Variants in KCNAB1 observed in about 807,000 individuals in gnomAD.
KCNAB1 encodes the protein potassium voltage-gated channel subfamily A regulatory beta subunit 1.
A neutral mutation model predicts 64.6 loss-of-function variants in KCNAB1; 35 were observed. The observed-to-expected ratio is 0.54, with a 90% CI of 0.41 to 0.72. The LOEUF is 0.72. KCNAB1 is among the 30% of genes least tolerant of loss of function. The pLI, the probability that KCNAB1 is intolerant of heterozygous loss-of-function variation, is 0.00. For synonymous variants in KCNAB1, 177 were observed against 183.8 expected (o/e 0.96, Z 0.30); for missense variants, 401 against 512.9 (o/e 0.78, Z 2.11).
chr3:156,266,240 C>T (rs923210665), intron 1 of KCNAB1, among the ~76,000 whole-genome samples: 1 of 152,098 alleles, frequency 6.6e-6, no homozygotes, highest in East Asian at 1.9e-4. Context: ...CTGCATTACT[C>T]CCATTTTCTC....
intron 1 of KCNAB1, among the ~76,000 whole-genome samples, chr3:156,248,845 T>C (rs568946174): frequency 6.6e-6 from 1 of 152,238 alleles, no homozygotes; most frequent in East Asian, 1.9e-4. Context: ...CAGAGATTCC[T>C]CTTTGAAAAT....
chr3:156,529,071 C>G (rs1377379675), intron 12 of KCNAB1, among the ~76,000 whole-genome samples: 1 of 152,064 alleles, frequency 6.6e-6, no homozygotes, highest in East Asian at 1.9e-4. Flanking sequence ...GAGGAGAAGA[C>G]AGCTGAACCG....
chr3:156,472,174 T>C (rs1039692135), intron 7 of KCNAB1, among the ~76,000 whole-genome samples: 6 of 152,136 alleles, frequency 3.9e-5, no homozygotes, highest in Non-Finnish European at 8.8e-5. Context: ...AGGCCAAAAA[T>C]CTAGGAGTCA....
chr3:156,144,379 T>G (rs1714917222), intron 1 of KCNAB1, among the ~76,000 whole-genome samples: 1 of 152,264 alleles, frequency 6.6e-6, no homozygotes, highest in Admixed American at 6.5e-5. Context: ...TATCAGCTAA[T>G]TATATTCATA....
At position 156,267,030 on chromosome 3, in the gene KCNAB1, GA is replaced by G. The variant is rs371153626; in HGVS notation, c.275+146154del. Among the ~76,000 whole-genome samples, 883 of 146,082 alleles carry G rather than the reference GA, an allele frequency of 6.0e-3. 9 individuals carry two copies. Among genetic ancestry groups the G allele is most frequent in the South Asian group, 0.017 (78 of 4,596 alleles). ...TGCAAAAGTGATATGTACTCAAGCA[GA>G]AAAAAAAAATACAATACTAACAAAA... On this transcript the variant is annotated intron_variant, in intron 1 of 13. Transcript: ENST00000490337.
intron 1 of KCNAB1, among the ~76,000 whole-genome samples, chr3:156,309,467 C>T (rs1721738914): frequency 6.6e-6 from 1 of 152,190 alleles, no homozygotes; most frequent in Non-Finnish European, 1.5e-5. Context: ...GTCAACAAAT[C>T]TAGTTTTTAT....
intron 1 of KCNAB1, chr3:156,142,883 C>T: frequency 1.4e-5 from 9 of 633,216 alleles, no homozygotes; most frequent in Non-Finnish European, 1.8e-5. Flanking sequence ...TTCCCCAGGG[C>T]CAGTACATAG....
At chr3:156,321,710 A>G (rs1243872851) in intron 1 of KCNAB1, among the ~76,000 whole-genome samples, 4 of 152,178 alleles carry the variant, frequency 2.6e-5, no homozygotes, top group African/African-American at 9.7e-5. Flanking sequence ...CTTGCAAATA[A>G]ACTTTTGGGT....
At chr3:156,538,621 G>T, downstream of KCNAB1, 1 of 152,278 alleles carries the variant, frequency 6.6e-6, no homozygotes, top group East Asian at 1.9e-4. Flanking sequence ...GATTTTATCT[G>T]ATCTTTCACT....
intron 2 of KCNAB1, among the ~76,000 whole-genome samples, chr3:156,434,319 A>G (rs558687066): frequency 2.0e-5 from 3 of 152,322 alleles, no homozygotes. Flanking sequence ...CAACGACTTG[A>G]GTATTCTCAC....
chr3:156,484,016 T>C (rs1387445137), intron 8 of KCNAB1, among the ~76,000 whole-genome samples: 2 of 152,180 alleles, frequency 1.3e-5, no homozygotes, highest in African/African-American at 4.8e-5. Context: ...TCTGGTGTTG[T>C]ATTTTCCGCT....
intron 1 of KCNAB1, among the ~76,000 whole-genome samples, chr3:156,335,775 G>A (rs1439814694): frequency 1.3e-5 from 2 of 150,278 alleles, no homozygotes; most frequent in Non-Finnish European, 2.9e-5. Context: ...AATCAATATT[G>A]TGCTTAGATA....
intron 1 of KCNAB1, among the ~76,000 whole-genome samples, chr3:156,284,239 G>A (rs1719935513): frequency 6.6e-6 from 1 of 152,036 alleles, no homozygotes; most frequent in Admixed American, 6.6e-5. Flanking sequence ...TGAGGTGTCA[G>A]TGTGCCCCTG....
chr3:156,378,105 CGGGTGATG>C (rs1366834294), intron 1 of KCNAB1, among the ~76,000 whole-genome samples: 1 of 151,852 alleles, frequency 6.6e-6, no homozygotes, highest in Non-Finnish European at 1.5e-5. Context: ...GCAAACAAAG[CGGGTGATG>C]AGGAAAATGG....
chr3:156,530,135 G>A (rs1302819215), intron 12 of KCNAB1, among the ~76,000 whole-genome samples: 1 of 152,178 alleles, frequency 6.6e-6, no homozygotes, highest in Non-Finnish European at 1.5e-5. Flanking sequence ...ATTCTAGAAT[G>A]GGAGAAATTT....
At chr3:156,321,290 T>A (rs1722642255) in intron 1 of KCNAB1, among the ~76,000 whole-genome samples, 1 of 152,160 alleles carries the variant, frequency 6.6e-6, no homozygotes, top group Admixed American at 6.5e-5. Context: ...GGAGTGAAAA[T>A]GTGGCATGCA....
intron 1 of KCNAB1, among the ~76,000 whole-genome samples, chr3:156,375,880 C>T (rs1465961763): frequency 1.2e-5 from 1 of 85,402 alleles, no homozygotes; most frequent in Non-Finnish European, 2.3e-5. Context: ...AGTGCAATGG[C>T]ACAATCTCGG....
chr3:156,307,638 TGGGCCAAGGAAG>T (rs1041693161), intron 1 of KCNAB1, among the ~76,000 whole-genome samples: 6 of 152,152 alleles, frequency 3.9e-5, no homozygotes, highest in Admixed American at 6.5e-5. Flanking sequence ...CATTCATCTC[TGGGCCAAGGAAG>T]GGGCAGATGT....
chr3:156,490,828 C>T (rs1345226330), intron 8 of KCNAB1, among the ~76,000 whole-genome samples: 6 of 151,988 alleles, frequency 3.9e-5, no homozygotes, highest in African/African-American at 1.2e-4. Flanking sequence ...ACACAAGTCT[C>T]CAGATGGAAA....
Sources: allele counts gnomAD v4.1 joint callset (sites outside exome capture counted in the v4.1 genomes callset), GRCh38; gene constraint gnomAD v4.1.1; transcripts MANE v1.5; gene names NCBI Gene and HGNC (gene_info 2026-07-23, HGNC 2026-07-21).